The following BABAM2 variants were observed in gnomAD, a reference collection of about 807,000 sequenced individuals.
BABAM2 encodes the protein BRISC and BRCA1-A complex member 2.
A neutral mutation model predicts 54.7 loss-of-function variants in BABAM2; 31 were observed. The observed-to-expected ratio is 0.57, with a 90% confidence interval of 0.43 to 0.77. The LOEUF is 0.77. BABAM2 is among the 30% of genes least tolerant of loss of function. The pLI is 0.00. For missense variants in BABAM2, 364 were observed against 455.8 expected (o/e 0.80, Z 1.83); for synonymous variants, 167 against 162.9 (o/e 1.03, Z -0.19).
intron 7 of BABAM2, among the ~76,000 whole-genome samples, chr2:28,202,778 A>G (rs1678417972): frequency 6.6e-6 from 1 of 152,234 alleles, no homozygotes; most frequent in Non-Finnish European, 1.5e-5. Context: ...AAGAGAGAAA[A>G]CAAAGACTTA....
intron 10 of BABAM2, among the ~76,000 whole-genome samples, chr2:28,250,290 G>A (rs1683322815): frequency 6.8e-6 from 1 of 147,840 alleles, no homozygotes; most frequent in Non-Finnish European, 1.5e-5. Flanking sequence ...CTGGAGCACA[G>A]TGAGTAAGGG....
At chr2:28,088,803 G>A (rs940506464) in intron 6 of BABAM2, among the ~76,000 whole-genome samples, 3 of 152,138 alleles carry the variant, frequency 2.0e-5, no homozygotes, top group African/African-American at 7.2e-5. Flanking sequence ...GATCTTGAGG[G>A]CCAATCTGGA....
At chr2:28,096,644 G>C (rs1000404255) in intron 6 of BABAM2, among the ~76,000 whole-genome samples, 1 of 151,996 alleles carries the variant, frequency 6.6e-6, no homozygotes, top group African/African-American at 2.4e-5. Flanking sequence ...ATTCCATTAT[G>C]TTAACATGTC....
intron 7 of BABAM2, among the ~76,000 whole-genome samples, chr2:28,137,160 A>T (rs1398568779): frequency 6.6e-6 from 1 of 152,188 alleles, no homozygotes; most frequent in African/African-American, 2.4e-5. Context: ...GACCTTCCAG[A>T]TCTCTTAGGC....
intron 7 of BABAM2, among the ~76,000 whole-genome samples, chr2:28,182,022 G>A (rs1363001441): frequency 2.6e-5 from 4 of 152,162 alleles, no homozygotes; most frequent in Admixed American, 1.3e-4. Context: ...CTTACTGAGA[G>A]TGATCAAGGA....
Position 28,241,375 on chromosome 2 carries a change from T to C in BABAM2, c.833T>C (p.Phe278Ser), listed in dbSNP as rs1337981896. The C allele has an allele frequency of 6.2e-7, 1 of 1,614,130 alleles. No individual in the cohort carries two copies. Among genetic ancestry groups the C allele is most frequent in the Non-Finnish European group, 8.5e-7 (1 of 1,179,984 alleles). ...AAAAGAAGAGAGTATATTGCTGCTT[T>C]TCTCAGTCACTTTGGCACGTAAGTT... ...YHKRREYIAA[F>S]LSHFGTGVVE... is the part of the protein sequence containing the mutation. Residue 278 changes from phenylalanine (F) to serine (S), a missense_variant, in exon 9 of 12, where the codon TTT becomes TCT. Transcript: ENST00000379624.
chr2:28,062,389 C>T (rs1678954885), intron 6 of BABAM2, among the ~76,000 whole-genome samples: 1 of 151,514 alleles, frequency 6.6e-6, no homozygotes, highest in African/African-American at 2.4e-5. Flanking sequence ...ATGGTGAAAC[C>T]CGGTCTCTAC....
chr2:28,031,061 A>G (rs1285174383), intron 5 of BABAM2, among the ~76,000 whole-genome samples: 1 of 152,228 alleles, frequency 6.6e-6, no homozygotes, highest in Non-Finnish European at 1.5e-5. Flanking sequence ...ATAAAAATGC[A>G]GTAGTCAATT....
intron 11 of BABAM2, among the ~76,000 whole-genome samples, chr2:28,321,557 C>T (rs1169623781): frequency 1.3e-5 from 2 of 152,140 alleles, no homozygotes; most frequent in East Asian, 3.8e-4. Context: ...CTAGCCAAAC[C>T]TCTTGTTCAT....
chr2:28,159,248 G>A (rs1207196726), intron 7 of BABAM2, among the ~76,000 whole-genome samples: 1 of 152,186 alleles, frequency 6.6e-6, no homozygotes, highest in Non-Finnish European at 1.5e-5. Context: ...TAAGATTGAA[G>A]ATGTCCGACA....
chr2:28,167,310 C>A (rs1276050218), intron 7 of BABAM2, among the ~76,000 whole-genome samples: 1 of 152,180 alleles, frequency 6.6e-6, no homozygotes, highest in Non-Finnish European at 1.5e-5. Context: ...ATGTAAGTAG[C>A]ATAATCAAGG....
intron 8 of BABAM2, among the ~76,000 whole-genome samples, chr2:28,237,915 C>T (rs936277855): frequency 6.6e-6 from 1 of 152,012 alleles, no homozygotes; most frequent in African/African-American, 2.4e-5. Flanking sequence ...TGTAGTGGCG[C>T]GATCTCGGCT....
At chr2:27,986,032 G>A (rs1459319816) in intron 3 of BABAM2, among the ~76,000 whole-genome samples, 1 of 152,134 alleles carries the variant, frequency 6.6e-6, no homozygotes, top group Non-Finnish European at 1.5e-5. Flanking sequence ...GGTAAGAACT[G>A]AGCAAGGAGA....
At chr2:28,226,235 G>A (rs1372477373) in intron 7 of BABAM2, among the ~76,000 whole-genome samples, 31 of 152,134 alleles carry the variant, frequency 2.0e-4, no homozygotes, top group Admixed American at 2.0e-3. Context: ...ATGCAAAGAT[G>A]ACAATATTTA....
chr2:28,025,750 A>T (rs757969848), intron 5 of BABAM2, among the ~76,000 whole-genome samples: 1 of 152,200 alleles, frequency 6.6e-6, no homozygotes, highest in Non-Finnish European at 1.5e-5. Context: ...ATTTTGAGAC[A>T]CTAACAAGTT....
chr2:28,271,034 G>A (rs1280333283), intron 10 of BABAM2, among the ~76,000 whole-genome samples: 2 of 152,162 alleles, frequency 1.3e-5, no homozygotes, highest in Non-Finnish European at 2.9e-5. Flanking sequence ...ATATGTTCCA[G>A]AGCCTTGGAG....
chr2:28,031,956 G>C (rs1394600122), intron 5 of BABAM2, among the ~76,000 whole-genome samples: 1 of 152,172 alleles, frequency 6.6e-6, no homozygotes, highest in African/African-American at 2.4e-5. Flanking sequence ...GCAGCATGAG[G>C]ACATTTTTGT....
At chr2:28,221,111 CCTCT>C (rs72394956) in intron 7 of BABAM2, among the ~76,000 whole-genome samples, 25,950 of 148,366 alleles carry the variant, frequency 0.17, 2,309 homozygotes, top group African/African-American at 0.2. Context: ...TCCCTTTTTT[CCTCT>C]CTCTCTCTCT....
intron 6 of BABAM2, among the ~76,000 whole-genome samples, chr2:28,095,900 A>G (rs574239118): frequency 4.6e-5 from 7 of 152,328 alleles, no homozygotes; most frequent in African/African-American, 1.4e-4. Context: ...ATTTCTACCA[A>G]GTACTCTCTG....
Sources: allele counts gnomAD v4.1 joint callset (sites outside exome capture counted in the v4.1 genomes callset), GRCh38; gene constraint gnomAD v4.1.1; transcripts MANE v1.5; gene names NCBI Gene and HGNC (gene_info 2026-07-23, HGNC 2026-07-21).